EIF4E2: variants seen among roughly 807,000 people sequenced by gnomAD.
The protein encoded by EIF4E2 is eukaryotic translation initiation factor 4E type 2.
A neutral mutation model predicts 34.2 loss-of-function variants in EIF4E2; 13 were observed. The ratio of observed to expected loss-of-function variants is 0.38; its 90% confidence interval spans 0.25 to 0.60. EIF4E2 has a LOEUF of 0.60. EIF4E2 is among the 20% of genes least tolerant of loss of function. EIF4E2 has a pLI of 0.62. For synonymous variants in EIF4E2, 100 were observed against 106.6 expected, an observed-to-expected ratio of 0.94 and a Z score of 0.38; for missense variants, 222 against 315.1, an observed-to-expected ratio of 0.70 and a Z score of 2.24.
intron 4 of EIF4E2, among the ~76,000 whole-genome samples, chr2:232,565,319 A>T (rs1303556680): frequency 1.3e-5 from 2 of 151,746 alleles, no homozygotes; most frequent in African/African-American, 4.8e-5. Flanking sequence ...GCTTTTCCTG[A>T]CTCACTCCCG....
chr2:232,553,928 G>A (rs946818383), intron 1 of EIF4E2: 1 of 152,192 alleles, frequency 6.6e-6, no homozygotes, highest in African/African-American at 2.4e-5. Flanking sequence ...AAGATGCTGG[G>A]ATGACTGTAC....
chr2:232,564,285 T>C lies in EIF4E2; in HGVS notation c.309T>C (p.Arg103=), dbSNP rs763422898. The C allele has an allele frequency of 6.3e-6, 10 of 1,599,726 alleles. No homozygotes were observed. The East Asian group carries it at 2.2e-4, about 36-fold the overall frequency. ...QFWRFYSHMV[R]PGDLTGHSDF... is the part of the protein sequence containing the mutation. ...GGAGGTTTTATAGCCACATGGTACG[T>C]CCTGGGGACCTGACAGGCCACAGTG... Residue 103 remains arginine, a synonymous_variant, in exon 4 of 7, where the codon CGT becomes CGC. Coordinates refer to ENST00000258416, the MANE Select transcript of EIF4E2 (RefSeq NM_004846.4).
intron 3 of EIF4E2, 58 bp from the exon 4 acceptor site, chr2:232,564,189 T>A: frequency 8.9e-7 from 1 of 1,125,136 alleles, no homozygotes; most frequent in South Asian, 1.4e-5. Flanking sequence ...AACCTTGGGA[T>A]GCATTCAAAG....
chr2:232,572,429 G>A (rs577087943), downstream of EIF4E2, among the ~76,000 whole-genome samples: 144 of 152,164 alleles, frequency 9.5e-4, no homozygotes, highest in African/African-American at 3.3e-3. Context: ...GCAGTGGCGC[G>A]ATCTCTGCTC....
chr2:232,573,952 C>T (rs1481624505), downstream of EIF4E2: 6 of 534,966 alleles, frequency 1.1e-5, no homozygotes, highest in East Asian at 1.9e-4. Flanking sequence ...GACAGTTGAG[C>T]ATCAGCTCTG....
intron 4 of EIF4E2, among the ~76,000 whole-genome samples, chr2:232,564,951 A>T (rs931454211): frequency 2.0e-5 from 3 of 152,182 alleles, no homozygotes; most frequent in Non-Finnish European, 4.4e-5. Flanking sequence ...TCCTTATAGA[A>T]CTTGTTTGTG....
chr2:232,581,164 A>G lies in EIF4E2; in HGVS notation c.*221A>G, dbSNP rs1243734632. On this transcript the variant is annotated 3_prime_UTR_variant, in exon 7 of 7. Transcript: ENST00000409098. This position sits in a 1 kb window ranked among gnomAD's most constrained non-coding sequence, Gnocchi z 5.2. Reference sequence around the variant, plus strand: ...GGAAAACGTGACTTTGTAATAGACAAACATTGTTTTTTAATGGGGTTCCAT... The same window carrying G: ...GGAAAACGTGACTTTGTAATAGACAGACATTGTTTTTTAATGGGGTTCCAT... The G allele has an allele frequency of 4.4e-6, 3 of 683,622 alleles. No individual in the cohort carries two copies. In the Admixed American group the frequency reaches 6.2e-5, roughly 14 times the overall value. The allele number at this position is 683,622 out of a possible 1,614,324, so 42.3% of individuals were successfully genotyped here.
chr2:232,563,153 G>C lies in EIF4E2; in HGVS notation c.271-1094G>C, dbSNP rs551579110. ...CTGCTCAGCAGTTTAGCAGATACCAGCTATTTCTCATTGGAATGTTCCGTG... is the reference window on the plus strand; with the variant it reads ...CTGCTCAGCAGTTTAGCAGATACCACCTATTTCTCATTGGAATGTTCCGTG... On this transcript the variant is annotated intron_variant, in intron 3 of 6. Coordinates refer to ENST00000258416, the MANE Select transcript of EIF4E2 (RefSeq NM_004846.4). Among the ~76,000 whole-genome samples the C allele has an allele frequency of 3.9e-5, 6 of 152,320 alleles. No individual in the cohort carries two copies. The East Asian group carries it at 1.2e-3, about 29-fold the overall frequency.
intron 1 of EIF4E2, among the ~76,000 whole-genome samples, chr2:232,554,445 G>C (rs1325849128): frequency 6.6e-6 from 1 of 152,172 alleles, no homozygotes; most frequent in African/African-American, 2.4e-5. Flanking sequence ...GTATATCTGT[G>C]TACCTTTTCT....
rs1692414114 is a variant in EIF4E2 at position 232,553,406 on chromosome 2, A to G, written c.20+2662A>G. 6.9e-5 allele frequency among the ~76,000 whole-genome samples: 7 copies of G among 102,054 alleles called. No homozygotes were observed. The Admixed American group carries it at 8.8e-4, about 13-fold the overall frequency. 67.0% of individuals were successfully genotyped at this position (102,054 alleles called of 152,430 possible). The stretch of plus-strand genomic sequence containing the variant: ...CTCATTGCTTTGATTCTATAGACCC[A>G]TTCATTAAACGGAGATTTTTTTTTA... On this transcript the variant is annotated intron_variant, in intron 1 of 6. Coordinates refer to ENST00000258416, the MANE Select transcript of EIF4E2 (RefSeq NM_004846.4).
rs1480925063 is a variant in EIF4E2 at position 232,581,523 on chromosome 2, T to A, written c.*580T>A. 1.9e-5 allele frequency: 4 copies of A among 214,246 alleles called. No individual in the cohort carries two copies. Among genetic ancestry groups the A allele is most frequent in the Admixed American group, 1.6e-4 (3 of 18,492 alleles). 13.3% of individuals were successfully genotyped at this position (214,246 alleles called of 1,614,324 possible). On this transcript the variant is annotated 3_prime_UTR_variant, in exon 7 of 7. Coordinates refer to the EIF4E2 transcript ENST00000409098. This position sits in a 1 kb window ranked among gnomAD's most constrained non-coding sequence, Gnocchi z 5.2. ...GGATTTTGTATCATCCCCTGCCTTA[T>A]GCCCTCCGGTCTCCTCTCCTGTGGG...
chr2:232,556,317 T>A, intron 1 of EIF4E2, 99 bp from the exon 2 acceptor site: 1 of 891,252 alleles, frequency 1.1e-6, no homozygotes. Context: ...TGAGTGACTT[T>A]GGGTTGGTTA....
chr2:232,557,846 CAA>C (rs1377550953), intron 2 of EIF4E2, 36 bp from the exon 3 acceptor site: 3 of 1,604,682 alleles, frequency 1.9e-6, no homozygotes, highest in Admixed American at 3.4e-5. Context: ...GACCACGTGA[CAA>C]ATGCCCAGGA....
At chr2:232,574,226 GA>G in intron 6 of EIF4E2, 1 of 1,543,364 alleles carries the variant, frequency 6.5e-7, no homozygotes, top group Non-Finnish European at 8.8e-7. Flanking sequence ...CTTTTGATCT[GA>G]ATGTGCTATT....
chr2:232,558,643 A>G (rs554085527), intron 3 of EIF4E2: 2 of 145,230 alleles, frequency 1.4e-5, no homozygotes, highest in South Asian at 4.4e-4. Context: ...GTATATATTT[A>G]TGGAGTCCTT....
Position 232,569,206 on chromosome 2 carries a change from A to C in EIF4E2, c.*189A>C. On this transcript the variant is annotated 3_prime_UTR_variant, in exon 7 of 7. Coordinates refer to ENST00000258416, the MANE Select transcript of EIF4E2 (RefSeq NM_004846.4). ...TGAGATCACTTAATAAATGGTGCTA[A>C]ACTAGCTTGTCTCATGCTCTTGCTC... 7.0e-7 allele frequency: 1 copy of C among 1,425,304 alleles called. No individual in the cohort carries two copies. Among genetic ancestry groups the C allele is most frequent in the Non-Finnish European group, 9.2e-7 (1 of 1,092,078 alleles). 88.3% of individuals were successfully genotyped at this position (1,425,304 alleles called of 1,614,324 possible). A position where few individuals can be genotyped will look rare whatever the true frequency, so the allele number is the denominator to read the frequency against.
At chr2:232,560,984 G>A (rs752939761) in intron 3 of EIF4E2, among the ~76,000 whole-genome samples, 1 of 152,152 alleles carries the variant, frequency 6.6e-6, no homozygotes, top group Non-Finnish European at 1.5e-5. Context: ...TCCTGTCCTT[G>A]GGGAAATAAG....
chr2:232,580,094 ACACACACACACACACAC>A (rs1693310797), intron 6 of EIF4E2, among the ~76,000 whole-genome samples: 1 of 27,572 alleles, frequency 3.6e-5, no homozygotes, highest in Non-Finnish European at 7.5e-5. Flanking sequence ...CCACACACAC[ACACACACACACACACAC>A]ACACACACAC....
intron 3 of EIF4E2, among the ~76,000 whole-genome samples, chr2:232,561,317 T>C (rs923071914): frequency 2.2e-5 from 3 of 137,336 alleles, no homozygotes; most frequent in South Asian, 2.2e-4. Flanking sequence ...CATTTTTATT[T>C]CCCTCTTGTG....
Sources: gnomAD v4.1 joint callset for allele counts (sites outside exome capture counted in the v4.1 genomes callset) on GRCh38, gnomAD v4.1.1 for gene constraint, Gnocchi (gnomAD v3.1) non-coding constraint, MANE v1.5 for transcripts, NCBI Gene and HGNC (gene_info 2026-07-23, HGNC 2026-07-21) for gene names.